The following CILP variants were observed in gnomAD, a reference collection of about 807,000 sequenced individuals.
CILP encodes cartilage intermediate layer protein, also known as cartilage intermediate layer protein 1.
Under a neutral mutation model 82.5 loss-of-function variants are expected in CILP, and 75 were observed. The observed-to-expected ratio is 0.91, with a 90% confidence interval of 0.75 to 1.10. The LOEUF (loss-of-function observed/expected upper bound fraction) is 1.10. Ranked by LOEUF, CILP falls within the 50% of genes least tolerant of loss-of-function variation. CILP has a pLI of 0.00. For synonymous variants in CILP, 530 were observed against 580.3 expected (o/e 0.91, Z 1.25); for missense variants, 1,479 against 1,530.8 (o/e 0.97, Z 0.56).
chr15:65,208,509 C>T (rs1302570387), intron 2 of CILP, among the ~76,000 whole-genome samples: 1 of 152,220 alleles, frequency 6.6e-6, no homozygotes, highest in Admixed American at 6.5e-5. Flanking sequence ...TTTAGCTCAA[C>T]GCCAGAATAG....
chr15:65,206,792 G>C lies in CILP; in HGVS notation c.414C>G (p.Leu138=), dbSNP rs1397963218. Residue 138 remains leucine, a synonymous_variant, in exon 4 of 9, where the codon CTC becomes CTG. Coordinates refer to ENST00000261883, the MANE Select transcript of CILP (RefSeq NM_003613.4). The part of the protein sequence containing the change: ...QNCSNYTVRF[L]CPPGSLRRDT... ...GGCGTTCTGGCTTACCTGGTGGGCA[G>C]AGGAAGCGTACGGTGTAATTAGAGC... is the stretch of plus-strand genomic sequence containing the variant. The C allele has an allele frequency of 6.2e-7, 1 of 1,607,586 alleles. No individual in the cohort carries two copies. Among genetic ancestry groups the C allele is most frequent in the East Asian group, 2.2e-5 (1 of 44,634 alleles).
rs770657409 is a variant in CILP at position 65,204,605 on chromosome 15, A to T, written c.605-23T>A. ...AGGCTGTGGAACAAGGGGCCATATC[A>T]GCAGGGATTCTATGGATTCTGGCAT... On this transcript the variant is annotated intron_variant, in intron 5 of 8. Coordinates refer to ENST00000261883, the MANE Select transcript of CILP (RefSeq NM_003613.4). The T allele has an allele frequency of 7.6e-6, 12 of 1,573,992 alleles. No homozygotes were observed. The South Asian group carries it at 1.4e-4, about 18-fold the overall frequency.
At position 65,203,480 on chromosome 15, in the gene CILP, A is replaced by G. The variant is rs778266625; in HGVS notation, c.920-10T>C. 6.2e-7 allele frequency: 1 copy of G among 1,605,968 alleles called. No individual in the cohort carries two copies. Among genetic ancestry groups the G allele is most frequent in the South Asian group, 1.1e-5 (1 of 90,824 alleles). On this transcript the variant is annotated splice_polypyrimidine_tract_variant and intron_variant, in intron 6 of 8. Transcript: ENST00000261883. ...ACCATGTATGGAGTCTCTGGGACAG[A>G]AAATGAGAAATAGCATTTTGGGTTT... is the stretch of plus-strand genomic sequence containing the variant.
chr15:65,197,499 G>T lies in CILP; in HGVS notation c.2787C>A (p.Phe929Leu). The T allele has an allele frequency of 6.2e-7, 1 of 1,614,198 alleles. No homozygotes were observed. The highest frequency in any genetic ancestry group is 8.5e-7 in the Non-Finnish European group (1 of 1,180,042). Residue 929 changes from phenylalanine to leucine, a missense_variant, in exon 9 of 9, where the codon TTC (phenylalanine) becomes TTA (leucine). Physicochemically the swap from Phe to Leu is conservative, Grantham distance 22. Transcript: ENST00000261883. ...TCCAGCTCATAGGGTCATCTTCGTT[G>T]AAGGGGACTGTGTTGTAGTCATATC... ...GDRYDYNTVPFNEDDPMSWTE... is the reference protein window; with the variant it reads ...GDRYDYNTVPLNEDDPMSWTE...
In CILP at chr15:65,199,054, A is replaced by C; in HGVS notation, c.1232T>G (p.Ile411Ser). 1.2e-6 allele frequency: 2 copies of C among 1,601,238 alleles called. No individual in the cohort carries two copies. The highest frequency in any genetic ancestry group is 1.7e-6 in the Non-Finnish European group (2 of 1,179,618). Residue 411 changes from isoleucine to serine, a missense_variant, in exon 9 of 9, where the codon ATC (isoleucine) becomes AGC (serine). By Grantham distance (142) the Ile-to-Ser change is moderately radical. Coordinates refer to ENST00000261883, the MANE Select transcript of CILP (RefSeq NM_003613.4). ...PCNPVPESYLIRLPHDCFQNA... is the reference protein window; with the variant it reads ...PCNPVPESYLSRLPHDCFQNA... ...CTGAAAGCAATCATGGGGCAGCCGG[A>C]TAAGATAGCTCTCAGGAACTGGGTT... is the stretch of plus-strand genomic sequence containing the variant.
At chr15:65,206,645 A>T in intron 4 of CILP, 137 bp downstream of exon 4, 1 of 953,976 alleles carries the variant, frequency 1.0e-6, no homozygotes, top group Non-Finnish European at 1.6e-6. Flanking sequence ...GTGTGTCACT[A>T]CTTGTTATTA....
chr15:65,210,846 G>A (rs984363357), intron 1 of CILP, among the ~76,000 whole-genome samples: 11 of 152,254 alleles, frequency 7.2e-5, no homozygotes, highest in South Asian at 2.1e-4. Flanking sequence ...CCTGTTTCTC[G>A]GATGAGGGAG....
Position 65,204,405 on chromosome 15 carries a change from C to T in CILP, c.782G>A (p.Arg261Lys). Residue 261 changes from arginine (R) to lysine (K), a missense_variant, in exon 6 of 9, where the codon AGA (arginine) becomes AAA (lysine). Coordinates refer to ENST00000261883, the MANE Select transcript of CILP (RefSeq NM_003613.4). ...KLLTQTDSDG[R>K]FRIPGLCPDG... ...AGGGCACAAGCCAGGGATTCGGAATCTCCCATCACTGTCTGTCTGGGTCAG... is the reference window on the plus strand; with the variant it reads ...AGGGCACAAGCCAGGGATTCGGAATTTCCCATCACTGTCTGTCTGGGTCAG... 1 of 1,614,222 alleles carries T rather than the reference C, an allele frequency of 6.2e-7. No individual in the cohort carries two copies. Among genetic ancestry groups the T allele is most frequent in the African/African-American group, 1.3e-5 (1 of 75,074 alleles).
At chr15:65,199,977 A>G (rs185074375) in intron 8 of CILP, among the ~76,000 whole-genome samples, 2 of 152,332 alleles carry the variant, frequency 1.3e-5, no homozygotes, top group Non-Finnish European at 2.9e-5. Flanking sequence ...CAGGAAAATC[A>G]CGTTTCTACA....
At chr15:65,207,814 A>G (rs745384031) in intron 2 of CILP, 50 bp from the exon 3 acceptor site, 4 of 1,500,628 alleles carry the variant, frequency 2.7e-6, no homozygotes, top group Admixed American at 1.7e-5. Flanking sequence ...TGGAAGTTAC[A>G]GCATTCCTCA....
chr15:65,207,034 T>A lies in CILP; in HGVS notation c.172A>T (p.Thr58Ser), dbSNP rs867112861. 1.9e-6 allele frequency: 3 copies of A among 1,613,352 alleles called. No homozygotes were observed. Among genetic ancestry groups the A allele is most frequent in the Middle Eastern group, 3.3e-4 (2 of 6,060 alleles). ...CCTGGGTAGTCGATGTTGAACCATG[T>A]TGTCCACTCACCAGGGCCTGAGAGA... ...DTLESPGEWTTWFNIDYPGGK... is the reference protein window; with the variant it reads ...DTLESPGEWTSWFNIDYPGGK... Residue 58 changes from threonine (T) to serine (S), a missense_variant, in exon 4 of 9, where the codon ACA (threonine) becomes TCA (serine). By Grantham distance (58) the Thr-to-Ser change is moderately conservative (BLOSUM62 1). Coordinates refer to ENST00000261883, the MANE Select transcript of CILP (RefSeq NM_003613.4).
rs1169088323 is a variant in CILP, at chr15:65,197,125, A to T, written c.3161T>A (p.Val1054Asp). ...GGTGTACTCACTGGTGTCGTTGTTG[A>T]CTGCAAGTGGCAAGTGGTTGACCAG... is the stretch of plus-strand genomic sequence containing the variant. ...EYLVNHLPLA[V>D]NNDTSEYTML... Residue 1054 changes from valine (V) to aspartate (D), a missense_variant, in exon 9 of 9, where the codon GTC becomes GAC. Transcript: ENST00000261883. 1 of 1,613,846 alleles carries T rather than the reference A, an allele frequency of 6.2e-7. No homozygotes were observed. The highest frequency in any genetic ancestry group is 1.7e-5 in the Admixed American group (1 of 60,002).
Position 65,197,717 on chromosome 15 carries a change from G to A in CILP, c.2569C>T (p.Leu857Phe). The A allele has an allele frequency of 6.2e-7, 1 of 1,612,972 alleles. No individual in the cohort carries two copies. Among genetic ancestry groups the A allele is most frequent in the Non-Finnish European group, 8.5e-7 (1 of 1,180,046 alleles). The part of the protein sequence containing the change: ...IGVPQPYLNK[L>F]NYRRTDHEDP... ...TCATGGTCCGTCCGACGGTAGTTGA[G>A]CTTGTTGAGATAGGGCTGAGGGACG... The change falls in exon 9 of 9, where the codon CTC becomes TTC. Residue 857 changes from leucine (L) to phenylalanine (F), a missense_variant. Physicochemically the swap from Leu to Phe is conservative, Grantham distance 22. Transcript: ENST00000261883.
rs751595390 is a variant in CILP, at chr15:65,209,693, A to T, written c.61+2T>A. On this transcript the variant is annotated splice_donor_variant, in intron 2 of 8. Transcript: ENST00000261883. LOFTEE classifies it high-confidence loss of function. ...GGGAGCCAGCAGATACTTAGCCTAT[A>T]CCCAACACAGATGTGACTTCCAGGA... 1 of 1,613,910 alleles carries T rather than the reference A, an allele frequency of 6.2e-7. No homozygotes were observed. The highest frequency in any genetic ancestry group is 2.2e-5 in the East Asian group (1 of 44,846).
At chr15:65,206,552 A>G (rs2088518979) in intron 4 of CILP, among the ~76,000 whole-genome samples, 1 of 152,202 alleles carries the variant, frequency 6.6e-6, no homozygotes. Context: ...AATAGAGAGT[A>G]CCCATAAACA....
chr15:65,206,046 G>A (rs1457366740), intron 4 of CILP, among the ~76,000 whole-genome samples: 1 of 152,150 alleles, frequency 6.6e-6, no homozygotes, highest in Non-Finnish European at 1.5e-5. Flanking sequence ...CAAGAAGGGA[G>A]CAGGCCTGCT....
Position 65,198,768 on chromosome 15 carries a change from G to C in CILP, c.1518C>G (p.Arg506=), listed in dbSNP as rs138333294. 3.7e-6 allele frequency: 6 copies of C among 1,614,024 alleles called. No homozygotes were observed. In the African/African-American group the frequency reaches 6.7e-5, roughly 18 times the overall value. Residue 506 remains arginine (R), a synonymous_variant, in exon 9 of 9, where the codon CGC becomes CGG. Transcript: ENST00000261883. ...VSAADNGEPM[R]FGHVYMGNSR... is the part of the protein sequence containing the mutation. The stretch of plus-strand genomic sequence containing the variant: ...TGTTCCCCATGTACACATGGCCAAA[G>C]CGCATGGGCTCCCCATTGTCAGCAG...
Position 65,198,653 on chromosome 15 carries a change from G to A in CILP, c.1633C>T (p.Leu545=). 6.2e-7 allele frequency: 1 copy of A among 1,614,208 alleles called. No homozygotes were observed. The highest frequency in any genetic ancestry group is 8.5e-7 in the Non-Finnish European group (1 of 1,180,042). Reference sequence around the variant, plus strand: ...TTGGTGGTGTTGACAAACTTCTGCAGCCTGTCCACAAATGTGAGCACCAGC... The same window carrying A: ...TTGGTGGTGTTGACAAACTTCTGCAACCTGTCCACAAATGTGAGCACCAGC... The part of the protein sequence containing the change: ...ERLVLTFVDR[L]QKFVNTTKVL... Residue 545 remains leucine, a synonymous_variant, in exon 9 of 9, where the codon CTG becomes TTG. Coordinates refer to ENST00000261883, the MANE Select transcript of CILP (RefSeq NM_003613.4).
At chr15:65,205,172 G>A (rs142297816) in intron 5 of CILP, 115 bp downstream of exon 5, 31 of 968,648 alleles carry the variant, frequency 3.2e-5, no homozygotes, top group African/African-American at 2.7e-4. Flanking sequence ...CAGTTAATAC[G>A]TGGTGAGTAA....
Sources: gnomAD v4.1 joint callset for allele counts (sites outside exome capture counted in the v4.1 genomes callset) on GRCh38, gnomAD v4.1.1 for gene constraint, MANE v1.5 for transcripts, NCBI Gene and HGNC (gene_info 2026-07-23, HGNC 2026-07-21) for gene names.